The following HNF4G variants were observed in gnomAD, a reference collection of about 807,000 sequenced individuals.
The protein encoded by HNF4G is hepatocyte nuclear factor 4-gamma.
In HNF4G, 21 loss-of-function variants were observed where a neutral mutation model predicts 50.9. The observed-to-expected ratio is 0.41, with a 90% CI of 0.29 to 0.59. The LOEUF (loss-of-function observed/expected upper bound fraction) is 0.59, where lower values mean the gene tolerates loss of function less well. HNF4G is among the 20% of genes least tolerant of loss of function. HNF4G has a pLI of 0.26. For missense variants in HNF4G, 527 were observed against 559.4 expected, an observed-to-expected ratio of 0.94 and a Z score of 0.58; for synonymous variants, 198 against 185.6, an observed-to-expected ratio of 1.07 and a Z score of -0.54.
intron 1 of HNF4G, among the ~76,000 whole-genome samples, chr8:75,456,575 A>T (rs1407669945): frequency 6.6e-6 from 1 of 152,136 alleles, no homozygotes; most frequent in Non-Finnish European, 1.5e-5. Flanking sequence ...TAGAACATAA[A>T]GCATTGACTC....
At chr8:75,420,473 A>G (rs1002703163) in intron 1 of HNF4G, among the ~76,000 whole-genome samples, 2 of 152,196 alleles carry the variant, frequency 1.3e-5, no homozygotes, top group Admixed American at 6.5e-5. Flanking sequence ...TACCTCTTGC[A>G]ACTCTCTTTG....
chr8:75,452,864 T>C (rs1458437222), intron 1 of HNF4G, among the ~76,000 whole-genome samples: 1 of 152,238 alleles, frequency 6.6e-6, no homozygotes, highest in Non-Finnish European at 1.5e-5. Context: ...AGAGTGAATA[T>C]GTTTGCTTTT....
upstream of HNF4G, among the ~76,000 whole-genome samples, chr8:75,539,392 T>C (rs1303114222): frequency 6.6e-6 from 1 of 152,192 alleles, no homozygotes; most frequent in Admixed American, 6.6e-5. Flanking sequence ...ACTCCCCACA[T>C]TTCAAATTAC....
intron 2 of HNF4G, among the ~76,000 whole-genome samples, chr8:75,501,382 A>C (rs1263749278): frequency 1.3e-5 from 2 of 152,334 alleles, no homozygotes; most frequent in East Asian, 3.9e-4. Context: ...CTAAGGCTGC[A>C]GTGAGCTATG....
In HNF4G at chr8:75,439,908, G is replaced by T. The variant is rs142477996; in HGVS notation, c.-144+31746G>T. 2.2e-3 allele frequency among the ~76,000 whole-genome samples: 341 copies of T among 151,746 alleles called. 3 individuals are homozygous for T. The highest frequency in any genetic ancestry group is 8.0e-3 in the African/African-American group (331 of 41,402). On this transcript the variant is annotated intron_variant, in intron 1 of 10. Coordinates refer to the HNF4G transcript ENST00000354370. ...CAAGTCTTTCTTGGTGAAGCAACCA[G>T]AATATTGATTTCTATTGTCATGAAA... is the stretch of plus-strand genomic sequence containing the variant.
intron 1 of HNF4G, among the ~76,000 whole-genome samples, chr8:75,542,116 CA>C (rs1806637656): frequency 6.6e-6 from 1 of 151,936 alleles, no homozygotes. Flanking sequence ...ACCTGGGCAA[CA>C]TAGTGAGACC....
At chr8:75,554,718 A>G (rs779790750) in intron 5 of HNF4G, among the ~76,000 whole-genome samples, 20 of 152,216 alleles carry the variant, frequency 1.3e-4, no homozygotes, top group Non-Finnish European at 2.4e-4. Context: ...ACTCTATTTG[A>G]GAAAGGTGGA....
intron 2 of HNF4G, among the ~76,000 whole-genome samples, chr8:75,519,994 T>G (rs1805998382): frequency 6.6e-6 from 1 of 152,156 alleles, no homozygotes; most frequent in Non-Finnish European, 1.5e-5. Context: ...TGTTTTCTGT[T>G]TCTTTTTTTT....
chr8:75,478,667 G>A (rs750449923), intron 1 of HNF4G, among the ~76,000 whole-genome samples: 3 of 152,116 alleles, frequency 2.0e-5, no homozygotes, highest in Non-Finnish European at 4.4e-5. Context: ...GTACCTTTTT[G>A]AGACTTAGTT....
At chr8:75,516,064 C>G (rs75275764) in intron 2 of HNF4G, among the ~76,000 whole-genome samples, 3 of 152,048 alleles carry the variant, frequency 2.0e-5, no homozygotes, top group Non-Finnish European at 4.4e-5. Flanking sequence ...GCGCCCTGCC[C>G]GAGGGCCACC....
chr8:75,537,150 A>C (rs986597659), upstream of HNF4G, among the ~76,000 whole-genome samples: 2 of 152,176 alleles, frequency 1.3e-5, no homozygotes, highest in African/African-American at 4.8e-5. Flanking sequence ...CTAGTGTATG[A>C]CTGCCATTTG....
chr8:75,438,672 C>G (rs940224218), intron 1 of HNF4G, among the ~76,000 whole-genome samples: 1 of 151,260 alleles, frequency 6.6e-6, no homozygotes, highest in African/African-American at 2.4e-5. Flanking sequence ...TGCTTCCATT[C>G]TTATTTAATG....
intron 2 of HNF4G, among the ~76,000 whole-genome samples, chr8:75,503,320 A>G (rs1437236462): frequency 1.3e-5 from 2 of 151,412 alleles, no homozygotes. Flanking sequence ...CTACAGAGCT[A>G]TAAGTATTCA....
In HNF4G at chr8:75,558,908, T is replaced by A. The variant is rs1161788337; in HGVS notation, c.994T>A (p.Phe332Ile). The A allele has an allele frequency of 6.2e-7, 1 of 1,613,584 alleles. No individual in the cohort carries two copies. The part of the protein sequence containing the change: ...NDRQYDSRGR[F>I]GELLLLLPTL... ...TCGGCAGTATGACTCCCGGGGGAGG[T>A]TTGGAGAGTTGCTTCTGCTCCTGCC... Residue 332 changes from phenylalanine (F) to isoleucine (I), a missense_variant, in exon 8 of 10, where the codon TTT (phenylalanine) becomes ATT (isoleucine). Physicochemically the swap from Phe to Ile is conservative, Grantham distance 21. Transcript: ENST00000396423.
intron 1 of HNF4G, among the ~76,000 whole-genome samples, chr8:75,474,789 C>T (rs1366645169): frequency 6.6e-6 from 1 of 151,994 alleles, no homozygotes; most frequent in Non-Finnish European, 1.5e-5. Flanking sequence ...CCTCCGCCTC[C>T]CAGATTCACG....
rs1806662084 is a variant in HNF4G, at chr8:75,542,661, C to A, written c.119-1150C>A. Among the ~76,000 whole-genome samples the A allele has an allele frequency of 2.0e-5, 3 of 151,598 alleles. No individual in the cohort carries two copies. The South Asian group carries it at 6.2e-4, about 32-fold the overall frequency. On this transcript the variant is annotated intron_variant, in intron 1 of 9. Coordinates refer to ENST00000396423, the MANE Select transcript of HNF4G (RefSeq NM_004133.5). ...GGGTTTGACATGCAGGGTTTACAGG[C>A]TGTGGGAAGATGCCTAGACATTATT...
chr8:75,477,963 G>A (rs1812278406), intron 1 of HNF4G, among the ~76,000 whole-genome samples: 1 of 150,954 alleles, frequency 6.6e-6, no homozygotes, highest in East Asian at 2.0e-4. Flanking sequence ...GCGAAACTCC[G>A]TTCAAAAAAA....
chr8:75,561,214 T>C (rs1585961510), intron 9 of HNF4G, among the ~76,000 whole-genome samples: 1 of 152,296 alleles, frequency 6.6e-6, no homozygotes, highest in East Asian at 1.9e-4. Flanking sequence ...TTGGGACACC[T>C]TCTCCCCTTT....
chr8:75,462,862 A>G (rs1370904200), intron 1 of HNF4G, among the ~76,000 whole-genome samples: 12 of 152,146 alleles, frequency 7.9e-5, no homozygotes, highest in East Asian at 3.9e-4. Context: ...TTAGAAAATA[A>G]CAAAGATAGA....
Sources: gnomAD v4.1 joint callset for allele counts (sites outside exome capture counted in the v4.1 genomes callset) on GRCh38, gnomAD v4.1.1 for gene constraint, MANE v1.5 for transcripts, NCBI Gene and HGNC (gene_info 2026-07-23, HGNC 2026-07-21) for gene names.